CYTH4: variants seen among roughly 807,000 people sequenced by gnomAD.
The protein encoded by CYTH4 is cytohesin-4.
A neutral mutation model predicts 57.5 loss-of-function variants in CYTH4; 22 were observed. That is an observed-to-expected ratio of 0.38 (90% CI 0.27 to 0.55). The LOEUF (loss-of-function observed/expected upper bound fraction) is 0.55, where lower values mean the gene tolerates loss of function less well. Among genes scored for constraint, CYTH4 ranks in the 20% least tolerant of loss-of-function variants. The pLI is 0.74. For synonymous variants in CYTH4, 186 were observed against 206.5 expected, an observed-to-expected ratio of 0.90 and a Z score of 0.85; for missense variants, 420 against 535.6, an observed-to-expected ratio of 0.78 and a Z score of 2.13.
Position 37,298,951 on chromosome 22 carries a change from G to A in CYTH4, c.354-275G>A, listed in dbSNP as rs997553836. Among the ~76,000 whole-genome samples the A allele has an allele frequency of 1.1e-4, 16 of 152,144 alleles. No individual in the cohort carries two copies. Among genetic ancestry groups the A allele is most frequent in the African/African-American group, 2.9e-4 (12 of 41,428 alleles). On this transcript the variant is annotated intron_variant, in intron 5 of 12. Transcript: ENST00000248901. This position sits in a 1 kb window ranked among gnomAD's most constrained non-coding sequence, Gnocchi z 4.1. ...AAGTTACAGGAAATGAGGAAGGCCT[G>A]GACTGAGGGCAAGGCCGCTCCAAAG...
chr22:37,312,195 G>T, intron 12 of CYTH4, 21 bp downstream of exon 12: 1 of 1,607,232 alleles, frequency 6.2e-7, no homozygotes, highest in Non-Finnish European at 8.5e-7. Context: ...CCCAGGTCTG[G>T]GGACGGCTTC....
chr22:37,284,953 G>C (rs913225406), intron 1 of CYTH4, among the ~76,000 whole-genome samples: 11 of 152,314 alleles, frequency 7.2e-5, no homozygotes, highest in Non-Finnish European at 1.0e-4. Context: ...GCGGTGGGGG[G>C]GCGGCGGGGG....
intron 7 of CYTH4, 38 bp downstream of exon 7, chr22:37,301,057 C>G: frequency 6.4e-7 from 1 of 1,564,316 alleles, no homozygotes; most frequent in Non-Finnish European, 8.8e-7. Context: ...CTCCGGGACC[C>G]CTTCAGCATT....
intron 1 of CYTH4, among the ~76,000 whole-genome samples, chr22:37,286,851 T>C (rs1928578305): frequency 6.6e-6 from 1 of 151,882 alleles, no homozygotes; most frequent in East Asian, 1.9e-4. Flanking sequence ...TGGGATGCCA[T>C]GGGAAACTGG....
rs375286906 is a variant in CYTH4, at chr22:37,295,948, G to C, written c.168-51G>C. ...GGCAAGGGTCCTTGGGGAGTGGAGA[G>C]GGTAATTCAGGGTCCTGGGGCAGCC... is the stretch of plus-strand genomic sequence containing the variant. On this transcript the variant is annotated intron_variant, in intron 3 of 12. Coordinates refer to ENST00000248901, the MANE Select transcript of CYTH4 (RefSeq NM_013385.5). This position sits in a 1 kb window ranked among gnomAD's most constrained non-coding sequence, Gnocchi z 4.1. The C allele has an allele frequency of 1.8e-5, 28 of 1,574,870 alleles. No homozygotes were observed. In the African/African-American group the frequency reaches 3.5e-4, roughly 20 times the overall value.
intron 8 of CYTH4, chr22:37,304,382 C>A: frequency 4.8e-6 from 2 of 420,226 alleles, no homozygotes; most frequent in South Asian, 1.6e-5. Flanking sequence ...TTCCTATGGG[C>A]CACAGGGAGC....
chr22:37,287,238 G>A (rs1356782186), intron 1 of CYTH4, among the ~76,000 whole-genome samples: 1 of 152,112 alleles, frequency 6.6e-6, no homozygotes, highest in Non-Finnish European at 1.5e-5. Flanking sequence ...GTGGGAGCCA[G>A]GAGCTGATGA....
chr22:37,294,857 G>C (rs1458423035), intron 3 of CYTH4, 133 bp downstream of exon 3: 2 of 1,088,974 alleles, frequency 1.8e-6, no homozygotes. Context: ...GGGAGAAGGA[G>C]GCAGCAACGA....
chr22:37,285,110 G>A (rs575989606), intron 1 of CYTH4, among the ~76,000 whole-genome samples: 10 of 152,322 alleles, frequency 6.6e-5, no homozygotes, highest in African/African-American at 2.2e-4. Flanking sequence ...TCCTCCTCCT[G>A]CCCTGGAAAG....
Position 37,313,860 on chromosome 22 carries a change from G to T in CYTH4, c.*349G>T, listed in dbSNP as rs1034684318. The T allele has an allele frequency of 7.8e-5, 24 of 307,526 alleles. No homozygotes were observed. Among genetic ancestry groups the T allele is most frequent in the Non-Finnish European group, 7.3e-5 (12 of 164,060 alleles). The allele number at this position is 307,526 out of a possible 1,614,324, so 19.0% of individuals were successfully genotyped here. A position where few individuals can be genotyped will look rare whatever the true frequency, so the allele number is the denominator to read the frequency against. On this transcript the variant is annotated 3_prime_UTR_variant, in exon 13 of 13. Transcript: ENST00000248901. ...CTTCGGTGTCCTCGGCTCTGAAGGC[G>T]CTCTCTGCACTTAGATGCTGTCAGC...
chr22:37,283,614 G>A (rs1928442659), intron 1 of CYTH4, among the ~76,000 whole-genome samples: 1 of 151,768 alleles, frequency 6.6e-6, no homozygotes, highest in Non-Finnish European at 1.5e-5. Flanking sequence ...GAGAACCACT[G>A]ATCCATTTCA....
At chr22:37,283,811 G>A (rs561935792) in intron 1 of CYTH4, among the ~76,000 whole-genome samples, 1 of 152,200 alleles carries the variant, frequency 6.6e-6, no homozygotes, top group East Asian at 1.9e-4. Context: ...GGGGCACCTG[G>A]TTGGCACAGG....
At chr22:37,306,222 A>AG (rs1241282969) in intron 8 of CYTH4, among the ~76,000 whole-genome samples, 1 of 152,104 alleles carries the variant, frequency 6.6e-6, no homozygotes, top group Non-Finnish European at 1.5e-5. Context: ...ACAGGAGATA[A>AG]GGGGACAAAG....
chr22:37,284,678 CAGTG>C lies in CYTH4; in HGVS notation c.19+2091_19+2094del, dbSNP rs1302903901. ...AGGTTCCAGCTCTGCACCACCCTGC[CAGTG>C]GTCATGGTCTCTTCCTTCTATGGGC... On this transcript the variant is annotated intron_variant, in intron 1 of 12. Coordinates refer to ENST00000248901, the MANE Select transcript of CYTH4 (RefSeq NM_013385.5). Among the ~76,000 whole-genome samples the C allele has an allele frequency of 2.0e-5, 3 of 152,256 alleles. No individual in the cohort carries two copies. The East Asian group carries it at 5.8e-4, about 29-fold the overall frequency.
chr22:37,287,482 C>G (rs373040446), intron 1 of CYTH4, among the ~76,000 whole-genome samples: 6 of 152,328 alleles, frequency 3.9e-5, no homozygotes, highest in African/African-American at 1.4e-4. Flanking sequence ...CAAAACAAAA[C>G]AGAATCGGAT....
At chr22:37,296,246 T>G in intron 4 of CYTH4, 181 bp downstream of exon 4, 1 of 651,730 alleles carries the variant, frequency 1.5e-6, no homozygotes, top group Non-Finnish European at 2.6e-6. Flanking sequence ...CCCTGTCTAC[T>G]CCCAGGCATA....
At chr22:37,291,774 C>G (rs1465097212) in intron 1 of CYTH4, among the ~76,000 whole-genome samples, 1 of 152,188 alleles carries the variant, frequency 6.6e-6, no homozygotes, top group African/African-American at 2.4e-5. Flanking sequence ...CACCATGAAG[C>G]ATGAAGATAG....
At chr22:37,286,021 C>G (rs1263799214) in intron 1 of CYTH4, among the ~76,000 whole-genome samples, 1 of 152,162 alleles carries the variant, frequency 6.6e-6, no homozygotes, top group Non-Finnish European at 1.5e-5. Context: ...ATACAAGCAA[C>G]CTGCTCACTA....
intron 1 of CYTH4, among the ~76,000 whole-genome samples, chr22:37,289,956 C>T (rs575956613): frequency 6.6e-6 from 1 of 152,178 alleles, no homozygotes; most frequent in Non-Finnish European, 1.5e-5. Flanking sequence ...ACCTGCCATT[C>T]CCCTCAGGAT....
Sources: gnomAD v4.1 joint callset for allele counts (sites outside exome capture counted in the v4.1 genomes callset) on GRCh38, gnomAD v4.1.1 for gene constraint, Gnocchi (gnomAD v3.1) non-coding constraint, MANE v1.5 for transcripts, NCBI Gene and HGNC (gene_info 2026-07-23, HGNC 2026-07-21) for gene names.